CSMD1: variants seen among roughly 807,000 people sequenced by gnomAD.
CSMD1 encodes CUB and sushi domain-containing protein 1.
CSMD1 carries 213 observed loss-of-function variants against 417.5 expected under a neutral mutation model. That is an observed-to-expected ratio of 0.51 (90% CI 0.46 to 0.57). CSMD1 has a LOEUF of 0.57. Ranked by LOEUF, CSMD1 falls within the 20% of genes least tolerant of loss-of-function variation. The pLI is 0.00. For synonymous variants in CSMD1, 2,862 were observed against 1,736.8 expected, an observed-to-expected ratio of 1.65 and a Z score of -16.11; for missense variants, 6,923 against 4,529.7, an observed-to-expected ratio of 1.53 and a Z score of -15.17.
intron 1 of CSMD1, among the ~76,000 whole-genome samples, chr8:4,915,052 G>A (rs150178255): frequency 2.0e-5 from 3 of 152,170 alleles, no homozygotes; most frequent in Admixed American, 6.5e-5. Context: ...GGAGGGAATA[G>A]AAATTGAATT....
intron 3 of CSMD1, among the ~76,000 whole-genome samples, chr8:4,335,301 G>A (rs552556134): frequency 3.9e-5 from 6 of 152,126 alleles, no homozygotes; most frequent in South Asian, 2.1e-4. Flanking sequence ...TACCATAACC[G>A]GGAGGGTGAG....
intron 3 of CSMD1, among the ~76,000 whole-genome samples, chr8:4,382,460 A>G (rs551461153): frequency 9.2e-5 from 14 of 152,258 alleles, no homozygotes; most frequent in East Asian, 1.9e-4. Context: ...ACTTTATAAT[A>G]TAGACCATTA....
intron 7 of CSMD1, among the ~76,000 whole-genome samples, chr8:3,625,589 T>C (rs1796453524): frequency 2.0e-5 from 3 of 152,090 alleles, no homozygotes; most frequent in Non-Finnish European, 1.5e-5. Flanking sequence ...TTTATAGTAA[T>C]TTATTTTTAA....
chr8:3,299,182 T>C lies in CSMD1; in HGVS notation c.3950+8513A>G, dbSNP rs188045163. On this transcript the variant is annotated intron_variant, in intron 25 of 69. Transcript: ENST00000635120. Reference sequence around the variant, plus strand: ...AAAAATGGAGTGAAGCCAGGTATGGTGGCTCACGCCTGTAATCCCAGTATT... The same window carrying C: ...AAAAATGGAGTGAAGCCAGGTATGGCGGCTCACGCCTGTAATCCCAGTATT... Among the ~76,000 whole-genome samples, 244 of 152,330 alleles carry C rather than the reference T, an allele frequency of 1.6e-3. 2 individuals are homozygous for C. Among genetic ancestry groups the C allele is most frequent in the African/African-American group, 5.6e-3 (231 of 41,586 alleles).
At chr8:3,785,713 G>A (rs933409369) in intron 5 of CSMD1, among the ~76,000 whole-genome samples, 2 of 152,158 alleles carry the variant, frequency 1.3e-5, no homozygotes, top group Non-Finnish European at 2.9e-5. Flanking sequence ...GTGCTACCAA[G>A]AAGTGAGAGG....
chr8:4,780,381 G>T (rs376458696), intron 1 of CSMD1, among the ~76,000 whole-genome samples: 1 of 152,050 alleles, frequency 6.6e-6, no homozygotes, highest in Non-Finnish European at 1.5e-5. Context: ...AAAATCAGTG[G>T]AACTCAAGGC....
intron 12 of CSMD1, among the ~76,000 whole-genome samples, chr8:3,455,812 G>A (rs1434987577): frequency 6.6e-6 from 1 of 152,192 alleles, no homozygotes; most frequent in Non-Finnish European, 1.5e-5. Flanking sequence ...GCTGCATGCT[G>A]GGAGAACCAC....
At chr8:3,898,300 C>T (rs1340687759) in intron 5 of CSMD1, among the ~76,000 whole-genome samples, 4 of 152,158 alleles carry the variant, frequency 2.6e-5, no homozygotes, top group Non-Finnish European at 5.9e-5. Flanking sequence ...AACATTTGAA[C>T]AATTCAAGGA....
At chr8:3,944,796 G>A (rs1035514719) in intron 5 of CSMD1, among the ~76,000 whole-genome samples, 6 of 152,078 alleles carry the variant, frequency 3.9e-5, no homozygotes, top group Non-Finnish European at 5.9e-5. Flanking sequence ...GATCTATTCT[G>A]TTTTTGCGTT....
intron 5 of CSMD1, among the ~76,000 whole-genome samples, chr8:3,832,991 C>CT (rs1563126015): frequency 1.3e-5 from 2 of 152,120 alleles, no homozygotes; most frequent in East Asian, 3.9e-4. Flanking sequence ...ACACTGTTTT[C>CT]TTTTTATATT....
chr8:4,488,415 G>T (rs1484935003), intron 2 of CSMD1, among the ~76,000 whole-genome samples: 1 of 151,966 alleles, frequency 6.6e-6, no homozygotes, highest in Non-Finnish European at 1.5e-5. Flanking sequence ...TGATCTCGTT[G>T]CCTCTGTTTT....
At chr8:4,558,097 G>A (rs1798175252) in intron 2 of CSMD1, among the ~76,000 whole-genome samples, 2 of 152,070 alleles carry the variant, frequency 1.3e-5, no homozygotes, top group East Asian at 3.9e-4. Flanking sequence ...AACATTTACT[G>A]AAATGTAAAT....
intron 5 of CSMD1, chr8:3,950,053 C>T (rs1811502937): frequency 2.2e-6 from 1 of 454,504 alleles, no homozygotes; most frequent in Admixed American, 2.4e-5. Flanking sequence ...ACGCTACAGA[C>T]AGGACTGAGT....
At chr8:3,857,673 A>C (rs1585098939) in intron 5 of CSMD1, among the ~76,000 whole-genome samples, 1 of 152,176 alleles carries the variant, frequency 6.6e-6, no homozygotes, top group Non-Finnish European at 1.5e-5. Context: ...GAATTTTAAT[A>C]CACTTCTTAG....
intron 12 of CSMD1, among the ~76,000 whole-genome samples, chr8:3,434,052 C>A (rs1216034994): frequency 6.6e-6 from 1 of 152,222 alleles, no homozygotes; most frequent in East Asian, 1.9e-4. Flanking sequence ...TCATTCCTGG[C>A]ATTCTTTGAT....
At chr8:4,942,829 T>G (rs1232969626) in intron 1 of CSMD1, among the ~76,000 whole-genome samples, 1 of 152,236 alleles carries the variant, frequency 6.6e-6, no homozygotes, top group African/African-American at 2.4e-5. Flanking sequence ...TAATAGGTGT[T>G]AACTAATTCA....
Position 2,961,223 on chromosome 8 carries a change from T to A in CSMD1, c.9629-9A>T. ...GGTGTTATGAGCAGGATCTGAAATT[T>A]GTGATTTAAAAAGAAAAGAGGGCAC... On this transcript the variant is annotated splice_polypyrimidine_tract_variant and intron_variant, in intron 61 of 69. Coordinates refer to ENST00000635120, the MANE Select transcript of CSMD1 (RefSeq NM_033225.6). The A allele has an allele frequency of 6.3e-7, 1 of 1,578,284 alleles. No individual in the cohort carries two copies. Among genetic ancestry groups the A allele is most frequent in the South Asian group, 1.2e-5 (1 of 86,612 alleles).
intron 26 of CSMD1, among the ~76,000 whole-genome samples, chr8:3,262,230 T>TATATATATATACAC (rs770901446): frequency 4.6e-4 from 44 of 95,638 alleles, no homozygotes; most frequent in Non-Finnish European, 6.7e-4. Context: ...TATATATATA[T>TATATATATATACAC]ACACACACAT....
At chr8:3,225,090 C>T (rs932067095) in intron 27 of CSMD1, among the ~76,000 whole-genome samples, 1 of 152,058 alleles carries the variant, frequency 6.6e-6, no homozygotes, top group South Asian at 2.1e-4. Context: ...TTCCCCTATA[C>T]AAAAAGAGAC....
Sources: gnomAD v4.1 joint callset for allele counts (sites outside exome capture counted in the v4.1 genomes callset) on GRCh38, gnomAD v4.1.1 for gene constraint, MANE v1.5 for transcripts, NCBI Gene and HGNC (gene_info 2026-07-23, HGNC 2026-07-21) for gene names.